Variants in MGAT4C observed in about 807,000 individuals in gnomAD.
MGAT4C encodes alpha-1,3-mannosyl-glycoprotein 4-beta-N-acetylglucosaminyltransferase C.
In MGAT4C, 19 loss-of-function variants were observed where a neutral mutation model predicts 40.1. That is an observed-to-expected ratio of 0.47 (90% CI 0.33 to 0.70). The LOEUF (loss-of-function observed/expected upper bound fraction) is 0.70, where lower values mean the gene tolerates loss of function less well. MGAT4C is among the 30% of genes least tolerant of loss of function. The pLI is 0.02. For synonymous variants in MGAT4C, 181 were observed against 187.1 expected (o/e 0.97, Z 0.27); for missense variants, 491 against 563.2 (o/e 0.87, Z 1.30).
At chr12:86,501,134 T>C (rs1958332988) in intron 2 of MGAT4C, among the ~76,000 whole-genome samples, 3 of 151,900 alleles carry the variant, frequency 2.0e-5, no homozygotes, top group South Asian at 2.1e-4. Flanking sequence ...TATAGCCACA[T>C]TGGAAAAAGA....
intron 1 of MGAT4C, among the ~76,000 whole-genome samples, chr12:86,056,879 C>T (rs1045712959): frequency 1.3e-5 from 2 of 152,114 alleles, no homozygotes; most frequent in Non-Finnish European, 2.9e-5. Context: ...TCTCCACATC[C>T]TCTCCAGCAT....
intron 4 of MGAT4C, among the ~76,000 whole-genome samples, chr12:86,266,330 G>A (rs1050724616): frequency 6.6e-6 from 1 of 152,104 alleles, no homozygotes; most frequent in Non-Finnish European, 1.5e-5. Flanking sequence ...CTAGTTAAAT[G>A]AGGGTTTTAT....
chr12:86,390,395 C>A (rs1028857743), intron 3 of MGAT4C, among the ~76,000 whole-genome samples: 1 of 151,992 alleles, frequency 6.6e-6, no homozygotes, highest in Admixed American at 6.6e-5. Context: ...TTTTGTATAT[C>A]ACTGTTGGAT....
chr12:86,408,471 C>CTATATA (rs1163667978), intron 3 of MGAT4C, among the ~76,000 whole-genome samples: 3 of 109,434 alleles, frequency 2.7e-5, no homozygotes, highest in East Asian at 5.6e-4. Context: ...CTCTCTCTCT[C>CTATATA]TCTCTCTCTA....
chr12:86,516,149 C>G (rs1592941966), intron 2 of MGAT4C, among the ~76,000 whole-genome samples: 2 of 151,982 alleles, frequency 1.3e-5, no homozygotes, highest in Admixed American at 1.3e-4. Flanking sequence ...CCAGAATATT[C>G]AAAACAATCT....
chr12:86,732,334 G>C (rs887107136), intron 1 of MGAT4C, among the ~76,000 whole-genome samples: 7 of 152,046 alleles, frequency 4.6e-5, no homozygotes, highest in Non-Finnish European at 8.8e-5. Flanking sequence ...CGGGGTGGGG[G>C]CATACGGTTT....
intron 1 of MGAT4C, among the ~76,000 whole-genome samples, chr12:86,755,127 A>T (rs1454192339): frequency 6.6e-6 from 1 of 152,178 alleles, no homozygotes; most frequent in Non-Finnish European, 1.5e-5. Context: ...TTAGTAGAGC[A>T]GATTACTTTC....
At chr12:86,602,553 C>T (rs1325127655) in intron 2 of MGAT4C, among the ~76,000 whole-genome samples, 1 of 152,076 alleles carries the variant, frequency 6.6e-6, no homozygotes, top group African/African-American at 2.4e-5. Flanking sequence ...TGTTAATAGA[C>T]CAGTAATGTT....
intron 1 of MGAT4C, among the ~76,000 whole-genome samples, chr12:86,252,489 G>T (rs1428526946): frequency 6.6e-6 from 1 of 151,906 alleles, no homozygotes; most frequent in Non-Finnish European, 1.5e-5. Flanking sequence ...CTCTGAGGAG[G>T]TTGTATTTTA....
At chr12:86,500,873 C>T (rs1351509708) in intron 2 of MGAT4C, among the ~76,000 whole-genome samples, 2 of 151,904 alleles carry the variant, frequency 1.3e-5, no homozygotes, top group South Asian at 2.1e-4. Flanking sequence ...ATATCACAAT[C>T]GAATTTGATT....
chr12:86,640,225 T>C (rs562198834), intron 2 of MGAT4C, among the ~76,000 whole-genome samples: 1 of 151,942 alleles, frequency 6.6e-6, no homozygotes, highest in South Asian at 2.1e-4. Flanking sequence ...TTTTACATTC[T>C]AGGAGGACTG....
At chr12:86,656,514 T>C (rs899427463) in intron 2 of MGAT4C, among the ~76,000 whole-genome samples, 3 of 152,040 alleles carry the variant, frequency 2.0e-5, no homozygotes, top group South Asian at 4.1e-4. Context: ...ACTCAGAAAA[T>C]GTATTAAAAC....
intron 3 of MGAT4C, among the ~76,000 whole-genome samples, chr12:86,376,818 C>G (rs201307639): frequency 4.8e-4 from 60 of 125,340 alleles, no homozygotes; most frequent in East Asian, 2.4e-3. Flanking sequence ...GAGAGAGAGA[C>G]AGAGAGAGAG....
At chr12:86,097,207 T>C (rs1247646061) in intron 1 of MGAT4C, among the ~76,000 whole-genome samples, 1 of 151,700 alleles carries the variant, frequency 6.6e-6, no homozygotes, top group Non-Finnish European at 1.5e-5. Context: ...TCTGTTGCTA[T>C]AAAGAGTGTT....
At chr12:86,574,497 A>G (rs1166744392) in intron 2 of MGAT4C, among the ~76,000 whole-genome samples, 1 of 151,758 alleles carries the variant, frequency 6.6e-6, no homozygotes, top group East Asian at 1.9e-4. Context: ...TTATAATTAT[A>G]TTAGTTTTAG....
intron 2 of MGAT4C, among the ~76,000 whole-genome samples, chr12:86,452,948 G>T (rs1419880345): frequency 6.6e-6 from 1 of 152,082 alleles, no homozygotes; most frequent in Non-Finnish European, 1.5e-5. Context: ...CTCTGATCTT[G>T]TTCCTCCAAT....
In MGAT4C at chr12:85,969,493, C is replaced by G. The variant is rs1883516610; in HGVS notation, c.*9796G>C. The G allele has an allele frequency of 6.6e-6, 1 of 151,304 alleles. No individual in the cohort carries two copies. Among genetic ancestry groups the G allele is most frequent in the South Asian group, 2.1e-4 (1 of 4,812 alleles). 9.4% of individuals were successfully genotyped at this position (151,304 alleles called of 1,614,324 possible). ...CCCAGAGCCCATGAGTTTTTATTTT[C>G]TTTTTGGAATAACAGAAATTAGGTT... On this transcript the variant is annotated 3_prime_UTR_variant, in exon 5 of 5. Coordinates refer to ENST00000611864, the MANE Select transcript of MGAT4C (RefSeq NM_001351288.2).
intron 4 of MGAT4C, among the ~76,000 whole-genome samples, chr12:86,299,307 C>T (rs1178249697): frequency 6.6e-6 from 1 of 152,024 alleles, no homozygotes; most frequent in Non-Finnish European, 1.5e-5. Context: ...TTAGTAGAGA[C>T]GGGGTTTTAC....
Position 86,754,420 on chromosome 12 carries a change from G to T in MGAT4C, c.-261-27179C>A, listed in dbSNP as rs550256146. Among the ~76,000 whole-genome samples, 4 of 152,124 alleles carry T rather than the reference G, an allele frequency of 2.6e-5. No individual in the cohort carries two copies. The East Asian group carries it at 7.8e-4, about 30-fold the overall frequency. ...CTTGATTGTGATGTTAGTTTTATGGGTGTATACATATGGCAAAACTAATCA... is the reference window on the plus strand; with the variant it reads ...CTTGATTGTGATGTTAGTTTTATGGTTGTATACATATGGCAAAACTAATCA... On this transcript the variant is annotated intron_variant, in intron 1 of 7. Coordinates refer to the MGAT4C transcript ENST00000548651.
Sources: allele counts gnomAD v4.1 joint callset (sites outside exome capture counted in the v4.1 genomes callset), GRCh38; gene constraint gnomAD v4.1.1; transcripts MANE v1.5; gene names NCBI Gene and HGNC (gene_info 2026-07-23, HGNC 2026-07-21).